Variants in IGSF3 observed in about 807,000 individuals in gnomAD.
IGSF3 encodes the protein immunoglobulin superfamily member 3, also known as glu-Trp-Ile EWI motif-containing protein 3.
In IGSF3, 23 loss-of-function variants were observed where a neutral mutation model predicts 114.4. The ratio of observed to expected loss-of-function variants is 0.20; its 90% CI spans 0.14 to 0.28. IGSF3 has a LOEUF of 0.28. Ranked by LOEUF, IGSF3 falls within the 10% of genes least tolerant of loss-of-function variation. The pLI is 1.00. For missense variants in IGSF3, 1,172 were observed against 1,591.5 expected, an observed-to-expected ratio of 0.74 and a Z score of 4.48; for synonymous variants, 571 against 645.2, an observed-to-expected ratio of 0.88 and a Z score of 1.74.
chr1:116,579,643 G>A lies in IGSF3; in HGVS notation c.3083C>T (p.Thr1028Ile). The stretch of plus-strand genomic sequence containing the variant: ...CACGCTCAGCAGGGCCGTCCGCTCT[G>A]TTGGGTCGTCGTCGTCGTCGTCGTC... ...EEDDDDDDDP[T>I]ERTALLSVGP... The change falls in exon 10 of 11, where the codon ACA (threonine) becomes ATA (isoleucine). Residue 1028 changes from threonine to isoleucine, a missense_variant. Thr to Ile is a moderately conservative substitution (Grantham distance 89, BLOSUM62 -1). Coordinates refer to ENST00000369486, the MANE Select transcript of IGSF3 (RefSeq NM_001007237.3). This position sits in a 1 kb window ranked among gnomAD's most constrained non-coding sequence, Gnocchi z 6.4. The A allele has an allele frequency of 1.2e-6, 2 of 1,610,814 alleles. No individual in the cohort carries two copies. Among genetic ancestry groups the A allele is most frequent in the Non-Finnish European group, 1.7e-6 (2 of 1,178,620 alleles).
rs375604819 is a variant in IGSF3, at chr1:116,577,294, C to T, written c.*18G>A. The T allele has an allele frequency of 2.8e-4, 451 of 1,611,556 alleles. No homozygotes were observed. Among genetic ancestry groups the T allele is most frequent in the Non-Finnish European group, 3.5e-4 (411 of 1,178,738 alleles). The stretch of plus-strand genomic sequence containing the variant: ...CCTCAGCTCCTCCGTGGCCAACATC[C>T]GCTGGGGCATCACCCGCTTAGTCTA... On this transcript the variant is annotated 3_prime_UTR_variant, in exon 11 of 11. Transcript: ENST00000369486. This position sits in a 1 kb window ranked among gnomAD's most constrained non-coding sequence, Gnocchi z 5.7.
chr1:116,630,832 G>A (rs1156543029), intron 2 of IGSF3, among the ~76,000 whole-genome samples: 1 of 152,234 alleles, frequency 6.6e-6, no homozygotes, highest in East Asian at 1.9e-4. Flanking sequence ...TCATGGTGGG[G>A]TGGGGAGGAC....
intron 7 of IGSF3, among the ~76,000 whole-genome samples, chr1:116,599,391 T>TACACAC (rs35774720): frequency 0.043 from 6,327 of 148,170 alleles, 416 homozygotes; most frequent in African/African-American, 0.15. Context: ...CACATACATA[T>TACACAC]ACACACACAC....
At position 116,642,509 on chromosome 1, in the gene IGSF3, A is replaced by C. The variant is rs1648155355; in HGVS notation, c.43+23775T>G. Among the ~76,000 whole-genome samples the C allele has an allele frequency of 6.6e-6, 1 of 152,246 alleles. No individual in the cohort carries two copies. Among genetic ancestry groups the C allele is most frequent in the South Asian group, 2.1e-4 (1 of 4,834 alleles). On this transcript the variant is annotated intron_variant, in intron 2 of 10. Transcript: ENST00000369486. This position sits in a 1 kb window ranked among gnomAD's most constrained non-coding sequence, Gnocchi z 5.4. ...TGTAAAAGATACACATGAAAGAAACAAACAGTGGGACTCGGGCCAGAGCAA... is the reference window on the plus strand; with the variant it reads ...TGTAAAAGATACACATGAAAGAAACCAACAGTGGGACTCGGGCCAGAGCAA...
Position 116,589,209 on chromosome 1 carries a change from A to T in IGSF3, c.2030-105T>A. The T allele has an allele frequency of 1.1e-6, 1 of 949,968 alleles. No individual in the cohort carries two copies. Among genetic ancestry groups the T allele is most frequent in the African/African-American group, 1.6e-5 (1 of 60,752 alleles). The allele number at this position is 949,968 out of a possible 1,614,324, so 58.8% of individuals were successfully genotyped here. Reference sequence around the variant, plus strand: ...TTTCCTCCAGCACAGTTCCTGGGGGATTTAACACCGACTGGCTTCAGTGTG... The same window carrying T: ...TTTCCTCCAGCACAGTTCCTGGGGGTTTTAACACCGACTGGCTTCAGTGTG... On this transcript the variant is annotated intron_variant, in intron 7 of 10. Coordinates refer to ENST00000369486, the MANE Select transcript of IGSF3 (RefSeq NM_001007237.3). This position sits in a 1 kb window ranked among gnomAD's most constrained non-coding sequence, Gnocchi z 5.7.
rs1453822365 is a variant in IGSF3, at chr1:116,596,753, G to A, written c.2029+3188C>T. Among the ~76,000 whole-genome samples the A allele has an allele frequency of 3.3e-5, 5 of 152,186 alleles. No homozygotes were observed. The highest frequency in any genetic ancestry group is 7.3e-5 in the Non-Finnish European group (5 of 68,030). ...GGAGCCAAACTGCCTGTCTGGACTT[G>A]AATCCTGGCTCTGCCACTTACTATG... is the stretch of plus-strand genomic sequence containing the variant. On this transcript the variant is annotated intron_variant, in intron 7 of 10. Coordinates refer to ENST00000369486, the MANE Select transcript of IGSF3 (RefSeq NM_001007237.3). This position sits in a 1 kb window ranked among gnomAD's most constrained non-coding sequence, Gnocchi z 4.1.
At position 116,654,545 on chromosome 1, in the gene IGSF3, T is replaced by G. The variant is rs1440189850; in HGVS notation, c.43+11739A>C. Among the ~76,000 whole-genome samples the G allele has an allele frequency of 6.6e-6, 1 of 152,084 alleles. No homozygotes were observed. Among genetic ancestry groups the G allele is most frequent in the Non-Finnish European group, 1.5e-5 (1 of 68,004 alleles). On this transcript the variant is annotated intron_variant, in intron 2 of 10. Coordinates refer to ENST00000369486, the MANE Select transcript of IGSF3 (RefSeq NM_001007237.3). The surrounding 1 kb of genome is among the most constrained non-coding windows in gnomAD (Gnocchi z 4.4). The stretch of plus-strand genomic sequence containing the variant: ...CCATACTGATGAGGGTCCCTCACCC[T>G]CCCTTGCCAGGGCGCCCTCAGGGAG...
In IGSF3 at chr1:116,633,266, G is replaced by T. The variant is rs1355251067; in HGVS notation, c.44-16809C>A. Among the ~76,000 whole-genome samples, 1 of 152,170 alleles carries T rather than the reference G, an allele frequency of 6.6e-6. No homozygotes were observed. The highest frequency in any genetic ancestry group is 6.5e-5 in the Admixed American group (1 of 15,284). ...TCAAGCACTTCCCACCTCCTGCTCT[G>T]GGAAATCAGATCTCAGTAGGTCATC... is the stretch of plus-strand genomic sequence containing the variant. On this transcript the variant is annotated intron_variant, in intron 2 of 10. Transcript: ENST00000369486. This position sits in a 1 kb window ranked among gnomAD's most constrained non-coding sequence, Gnocchi z 4.3.
Position 116,628,713 on chromosome 1 carries a change from T to C in IGSF3, c.44-12256A>G, listed in dbSNP as rs1647418199. ...TTTCCCAAGCACGTGTTACGTATGA[T>C]AATAATGGATGGCCGCTCCTTCCCC... is the stretch of plus-strand genomic sequence containing the variant. On this transcript the variant is annotated intron_variant, in intron 2 of 10. Coordinates refer to ENST00000369486, the MANE Select transcript of IGSF3 (RefSeq NM_001007237.3). This position sits in a 1 kb window ranked among gnomAD's most constrained non-coding sequence, Gnocchi z 4.2. Among the ~76,000 whole-genome samples, 1 of 152,216 alleles carries C rather than the reference T, an allele frequency of 6.6e-6. No homozygotes were observed. Among genetic ancestry groups the C allele is most frequent in the Non-Finnish European group, 1.5e-5 (1 of 68,038 alleles).
chr1:116,585,082 C>T lies in IGSF3; in HGVS notation c.2441-30G>A. ...AACAGTAAGGAAGAGACGTCAGCGACAAAAGGACAACAAGCAATTCGTACG... is the reference window on the plus strand; with the variant it reads ...AACAGTAAGGAAGAGACGTCAGCGATAAAAGGACAACAAGCAATTCGTACG... On this transcript the variant is annotated intron_variant, in intron 8 of 10. Coordinates refer to ENST00000369486, the MANE Select transcript of IGSF3 (RefSeq NM_001007237.3). The surrounding 1 kb of genome is among the most constrained non-coding windows in gnomAD (Gnocchi z 4.9). 1 of 1,496,828 alleles carries T rather than the reference C, an allele frequency of 6.7e-7. No individual in the cohort carries two copies. Among genetic ancestry groups the T allele is most frequent in the Non-Finnish European group, 8.9e-7 (1 of 1,121,778 alleles). The allele number at this position is 1,496,828 out of a possible 1,614,324, so 92.7% of individuals were successfully genotyped here. A position where few individuals can be genotyped will look rare whatever the true frequency, so the allele number is the denominator to read the frequency against.
In IGSF3 at chr1:116,585,888, T is replaced by C. The variant is rs141380731; in HGVS notation, c.2441-836A>G. 1.8e-3 allele frequency among the ~76,000 whole-genome samples: 281 copies of C among 151,970 alleles called. 1 individual carries two copies. The highest frequency in any genetic ancestry group is 1.3e-3 in the Non-Finnish European group (90 of 67,982). ...GCCTGTGCAACAGAGTGAGACTGTC[T>C]CAAAAAAAAGAAAAAGAAAAAGAAA... On this transcript the variant is annotated intron_variant, in intron 8 of 10. Coordinates refer to ENST00000369486, the MANE Select transcript of IGSF3 (RefSeq NM_001007237.3). This position sits in a 1 kb window ranked among gnomAD's most constrained non-coding sequence, Gnocchi z 4.9.
chr1:116,620,326 G>A (rs1462943607), intron 2 of IGSF3, among the ~76,000 whole-genome samples: 1 of 152,190 alleles, frequency 6.6e-6, no homozygotes, highest in Non-Finnish European at 1.5e-5. Context: ...GAAGGGGACT[G>A]CAGATTGATC....
chr1:116,635,497 T>C (rs1039319307), intron 2 of IGSF3, among the ~76,000 whole-genome samples: 14 of 152,302 alleles, frequency 9.2e-5, no homozygotes, highest in African/African-American at 3.4e-4. Flanking sequence ...GATTGTCCAC[T>C]TTTCCAGGCC....
Position 116,657,304 on chromosome 1 carries a change from C to T in IGSF3, c.43+8980G>A, listed in dbSNP as rs934606347. ...GCAAGGTCAATCAAGGTCACCAATG[C>T]AAAGAAGTAGTGGGCAAACACCACC... On this transcript the variant is annotated intron_variant, in intron 2 of 10. Coordinates refer to ENST00000369486, the MANE Select transcript of IGSF3 (RefSeq NM_001007237.3). The surrounding 1 kb of genome is among the most constrained non-coding windows in gnomAD (Gnocchi z 4.2). Among the ~76,000 whole-genome samples the T allele has an allele frequency of 1.3e-5, 2 of 152,136 alleles. No individual in the cohort carries two copies. The highest frequency in any genetic ancestry group is 4.8e-5 in the African/African-American group (2 of 41,408).
intron 7 of IGSF3, among the ~76,000 whole-genome samples, chr1:116,599,705 C>G (rs899106108): frequency 2.6e-5 from 4 of 152,170 alleles, no homozygotes; most frequent in Non-Finnish European, 5.9e-5. Flanking sequence ...AAAACAACAA[C>G]AAACATACAC....
intron 2 of IGSF3, among the ~76,000 whole-genome samples, chr1:116,640,037 C>CAAAAAA (rs34003833): frequency 3.1e-5 from 2 of 65,264 alleles, no homozygotes; most frequent in Non-Finnish European, 6.0e-5. Context: ...GACTCTATCT[C>CAAAAAA]AAAAAAAAAA....
At position 116,607,085 on chromosome 1, in the gene IGSF3, G is replaced by C. The variant is rs990319049; in HGVS notation, c.1222+857C>G. 6.6e-6 allele frequency among the ~76,000 whole-genome samples: 1 copy of C among 152,190 alleles called. No homozygotes were observed. The highest frequency in any genetic ancestry group is 1.5e-5 in the Non-Finnish European group (1 of 68,034). On this transcript the variant is annotated intron_variant, in intron 5 of 10. Coordinates refer to ENST00000369486, the MANE Select transcript of IGSF3 (RefSeq NM_001007237.3). This position sits in a 1 kb window ranked among gnomAD's most constrained non-coding sequence, Gnocchi z 6.1. ...TATTACAAGGCTCAGAGAAAGAATA[G>C]TTTGAGCAGCTGAGACAAGGTTAAA...
chr1:116,627,203 C>G lies in IGSF3; in HGVS notation c.44-10746G>C, dbSNP rs1468366005. ...TGAGAAGTCCAGAGGCTCAGTGAAC[C>G]GCAGCTTAGAGTGAGTTCCAGTAAA... On this transcript the variant is annotated intron_variant, in intron 2 of 10. Transcript: ENST00000369486. The surrounding 1 kb of genome is among the most constrained non-coding windows in gnomAD (Gnocchi z 4.7). Among the ~76,000 whole-genome samples the G allele has an allele frequency of 6.6e-6, 1 of 152,100 alleles. No homozygotes were observed. The highest frequency in any genetic ancestry group is 2.4e-5 in the African/African-American group (1 of 41,400).
In IGSF3 at chr1:116,625,875, C is replaced by T. The variant is rs935287664; in HGVS notation, c.44-9418G>A. Reference sequence around the variant, plus strand: ...GCTACAGAACCATCCAAAAGGACTGCAAACCCAGTAATTCATTTCATCCCA... The same window carrying T: ...GCTACAGAACCATCCAAAAGGACTGTAAACCCAGTAATTCATTTCATCCCA... On this transcript the variant is annotated intron_variant, in intron 2 of 10. Coordinates refer to ENST00000369486, the MANE Select transcript of IGSF3 (RefSeq NM_001007237.3). The surrounding 1 kb of genome is among the most constrained non-coding windows in gnomAD (Gnocchi z 4.7). 3.9e-5 allele frequency among the ~76,000 whole-genome samples: 6 copies of T among 152,326 alleles called. No homozygotes were observed. The highest frequency in any genetic ancestry group is 2.0e-4 in the Admixed American group (3 of 15,300).
Sources: allele counts gnomAD v4.1 joint callset (sites outside exome capture counted in the v4.1 genomes callset), GRCh38; gene constraint gnomAD v4.1.1; non-coding constraint Gnocchi (gnomAD v3.1); transcripts MANE v1.5; gene names NCBI Gene and HGNC (gene_info 2026-07-23, HGNC 2026-07-21).